Variants in RYR3 observed in about 807,000 individuals in gnomAD.
RYR3 encodes the protein brain ryanodine receptor-calcium release channel.
Under a neutral mutation model 584.3 loss-of-function variants are expected in RYR3, and 207 were observed. The ratio of observed to expected loss-of-function variants is 0.35; its 90% CI spans 0.32 to 0.40. The LOEUF (loss-of-function observed/expected upper bound fraction) is 0.40, where lower values mean the gene tolerates loss of function less well. Among genes scored for constraint, RYR3 ranks in the 10% least tolerant of loss-of-function variants. The pLI is 1.00. For synonymous variants in RYR3, 2,416 were observed against 2,248.5 expected (o/e 1.07, Z -2.11); for missense variants, 5,616 against 6,089.2 (o/e 0.92, Z 2.59).
intron 31 of RYR3, among the ~76,000 whole-genome samples, chr15:33,649,787 TC>T (rs2062353766): frequency 1.3e-5 from 2 of 152,342 alleles, no homozygotes; most frequent in South Asian, 4.1e-4. Context: ...CTCCCACTGG[TC>T]TGCTGGCACT....
chr15:33,730,328 C>G (rs564688860), intron 47 of RYR3, among the ~76,000 whole-genome samples: 1 of 103,006 alleles, frequency 9.7e-6, no homozygotes, highest in African/African-American at 3.1e-5. Flanking sequence ...CAAACACCAT[C>G]TACAACAAAA....
At chr15:33,678,112 G>T (rs928509726) in intron 38 of RYR3, among the ~76,000 whole-genome samples, 9 of 152,194 alleles carry the variant, frequency 5.9e-5, no homozygotes, top group African/African-American at 1.2e-4. Context: ...GTAATGATGA[G>T]GATTGAATGA....
intron 31 of RYR3, among the ~76,000 whole-genome samples, chr15:33,650,905 A>G (rs1033694921): frequency 6.6e-6 from 1 of 152,264 alleles, no homozygotes; most frequent in African/African-American, 2.4e-5. Context: ...GAGCCAAAAT[A>G]GATGCTATAA....
intron 1 of RYR3, among the ~76,000 whole-genome samples, chr15:33,384,897 G>A (rs545180595): frequency 4.0e-4 from 61 of 152,232 alleles, no homozygotes; most frequent in Non-Finnish European, 3.1e-4. Context: ...AGGGTTGATT[G>A]GAGGTAGTGT....
At chr15:33,481,182 A>ATG (rs2049929345) in intron 2 of RYR3, among the ~76,000 whole-genome samples, 1 of 152,048 alleles carries the variant, frequency 6.6e-6, no homozygotes, top group South Asian at 2.1e-4. Flanking sequence ...TTTTTACCTT[A>ATG]TGTATGTATT....
intron 3 of RYR3, among the ~76,000 whole-genome samples, chr15:33,509,220 C>T (rs374488730): frequency 8.5e-5 from 13 of 152,102 alleles, no homozygotes; most frequent in Non-Finnish European, 1.6e-4. Context: ...ATTAGAAGCC[C>T]CTTGTTTAAA....
chr15:33,764,782 C>T (rs1406499003), intron 60 of RYR3, among the ~76,000 whole-genome samples: 2 of 152,008 alleles, frequency 1.3e-5, no homozygotes, highest in Non-Finnish European at 2.9e-5. Flanking sequence ...GCCTGTAATC[C>T]AGCACTTTGG....
intron 23 of RYR3, among the ~76,000 whole-genome samples, chr15:33,632,007 A>G (rs1022182034): frequency 6.6e-6 from 1 of 152,248 alleles, no homozygotes; most frequent in South Asian, 2.1e-4. Flanking sequence ...GACAGGCTGC[A>G]GTGGAGGAAC....
Position 33,697,885 on chromosome 15 carries a change from C to T in RYR3, c.6138C>T (p.Asp2046=). Residue 2046 remains aspartate, a synonymous_variant, in exon 40 of 104, where the codon GAC becomes GAT. Transcript: ENST00000634891. ...EELLMINGLG[D]IMNNKVFYQH... is the part of the protein sequence containing the mutation. ...CTCTCTCTGATCCTTATCCTAGAGA[C>T]ATAATGAACAACAAGGTGTTTTACC... 1 of 1,596,828 alleles carries T rather than the reference C, an allele frequency of 6.3e-7. No homozygotes were observed. The highest frequency in any genetic ancestry group is 1.1e-5 in the South Asian group (1 of 90,730).
chr15:33,770,287 A>G (rs2073461785), intron 62 of RYR3, among the ~76,000 whole-genome samples: 1 of 152,224 alleles, frequency 6.6e-6, no homozygotes, highest in South Asian at 2.1e-4. Context: ...AAAGGAGGAG[A>G]ATAAGGACTA....
At position 33,652,295 on chromosome 15, in the gene RYR3, C is replaced by G. The variant is rs574754929; in HGVS notation, c.4143-423C>G. ...ACAGCCTTTTGCCCTGGTTACCAGACTGGGACTCTGAACCCAGACTTTTTT... is the reference window on the plus strand; with the variant it reads ...ACAGCCTTTTGCCCTGGTTACCAGAGTGGGACTCTGAACCCAGACTTTTTT... On this transcript the variant is annotated intron_variant, in intron 31 of 103. Coordinates refer to ENST00000634891, the MANE Select transcript of RYR3 (RefSeq NM_001036.6). Among the ~76,000 whole-genome samples the G allele has an allele frequency of 1.1e-3, 173 of 152,306 alleles. 4 individuals are homozygous for G. In the South Asian group the frequency reaches 0.035, roughly 31 times the overall value.
At chr15:33,842,848 A>G (rs895912666) in intron 91 of RYR3, among the ~76,000 whole-genome samples, 3 of 152,200 alleles carry the variant, frequency 2.0e-5, no homozygotes, top group Admixed American at 2.0e-4. Context: ...AAATGCAGTC[A>G]CACAGCACTT....
At chr15:33,702,826 A>C (rs887128852) in intron 42 of RYR3, among the ~76,000 whole-genome samples, 4 of 152,164 alleles carry the variant, frequency 2.6e-5, no homozygotes, top group Non-Finnish European at 4.4e-5. Flanking sequence ...CAGGAAGAGG[A>C]GCAGCCAAAA....
At chr15:33,495,779 G>A (rs796523387) in intron 2 of RYR3, among the ~76,000 whole-genome samples, 2 of 152,116 alleles carry the variant, frequency 1.3e-5, no homozygotes, top group East Asian at 3.8e-4. Context: ...AGGTCACAAA[G>A]GTAGGCTTAA....
intron 45 of RYR3, among the ~76,000 whole-genome samples, chr15:33,724,575 TC>T (rs1443639687): frequency 6.6e-6 from 1 of 152,204 alleles, no homozygotes; most frequent in African/African-American, 2.4e-5. Context: ...GGCAGACTCT[TC>T]CTGTGGTTGG....
intron 31 of RYR3, 106 bp from the exon 32 acceptor site, chr15:33,652,612 C>T: frequency 8.5e-7 from 1 of 1,176,786 alleles, no homozygotes; most frequent in Non-Finnish European, 1.2e-6. Flanking sequence ...CAGAAAGCTT[C>T]CTAGGAAAGT....
intron 1 of RYR3, among the ~76,000 whole-genome samples, chr15:33,467,826 G>T (rs754655007): frequency 1.3e-5 from 2 of 152,160 alleles, no homozygotes; most frequent in Non-Finnish European, 2.9e-5. Context: ...GCAATCATGG[G>T]GAATAGAGAA....
chr15:33,736,445 G>A, intron 49 of RYR3, 120 bp downstream of exon 49: 1 of 647,710 alleles, frequency 1.5e-6, no homozygotes, highest in East Asian at 2.9e-5. Context: ...ACTCCCTTAA[G>A]TTGATGGTTA....
intron 20 of RYR3, among the ~76,000 whole-genome samples, chr15:33,627,519 G>A (rs2061054594): frequency 6.6e-6 from 1 of 152,156 alleles, no homozygotes; most frequent in Non-Finnish European, 1.5e-5. Context: ...TGTATATGGT[G>A]GGGAGTATTA....
Sources: allele counts gnomAD v4.1 joint callset (sites outside exome capture counted in the v4.1 genomes callset), GRCh38; gene constraint gnomAD v4.1.1; transcripts MANE v1.5; gene names NCBI Gene and HGNC (gene_info 2026-07-23, HGNC 2026-07-21).